Variants in NLN observed in about 807,000 individuals in gnomAD.
NLN encodes neurolysin.
Under a neutral mutation model 79.9 loss-of-function variants are expected in NLN, and 64 were observed. That is an observed-to-expected ratio of 0.80 (90% CI 0.65 to 0.99). NLN has a LOEUF of 0.99. Ranked by LOEUF, NLN falls within the 50% of genes least tolerant of loss-of-function variation. NLN has a pLI of 0.00. For missense variants in NLN, 835 were observed against 858.7 expected (o/e 0.97, Z 0.34); for synonymous variants, 267 against 296.6 (o/e 0.90, Z 1.02).
chr5:65,786,876 A>AT (rs961949127), intron 7 of NLN, among the ~76,000 whole-genome samples: 3 of 152,068 alleles, frequency 2.0e-5, no homozygotes, highest in African/African-American at 7.2e-5. Flanking sequence ...AATAAAAATA[A>AT]TTTTTTAAAA....
intron 3 of NLN, among the ~76,000 whole-genome samples, chr5:65,767,851 T>C (rs1759484999): frequency 6.6e-6 from 1 of 152,196 alleles, no homozygotes; most frequent in Non-Finnish European, 1.5e-5. Flanking sequence ...ATCATCTCTC[T>C]CAAGTTCAAA....
intron 3 of NLN, among the ~76,000 whole-genome samples, chr5:65,772,734 A>ATT (rs755088317): frequency 7.5e-6 from 1 of 133,142 alleles, no homozygotes. Flanking sequence ...TTTGTTTTTC[A>ATT]TTTTTTTTTT....
At chr5:65,789,558 C>T (rs1760010769) in intron 8 of NLN, among the ~76,000 whole-genome samples, 1 of 152,124 alleles carries the variant, frequency 6.6e-6, no homozygotes, top group Non-Finnish European at 1.5e-5. Flanking sequence ...GGGCAGATCA[C>T]TTGAGGTCGG....
intron 8 of NLN, 38 bp downstream of exon 8, chr5:65,788,522 T>C (rs778757682): frequency 6.3e-7 from 1 of 1,586,296 alleles, no homozygotes; most frequent in Non-Finnish European, 8.6e-7. Context: ...ACCTTAGGGA[T>C]TCAGCTATGC....
At position 65,765,741 on chromosome 5, in the gene NLN, G is replaced by T. The variant is rs932327324; in HGVS notation, c.450+2633G>T. 4.6e-5 allele frequency among the ~76,000 whole-genome samples: 7 copies of T among 151,324 alleles called. No individual in the cohort carries two copies. In the East Asian group the frequency reaches 9.7e-4, roughly 21 times the overall value. On this transcript the variant is annotated intron_variant, in intron 3 of 12. Transcript: ENST00000380985. Reference sequence around the variant, plus strand: ...AAAAAAAAAAAATCCACACATAAAGGCCTCATTAAGCTGGATAAATAGGAT... The same window carrying T: ...AAAAAAAAAAAATCCACACATAAAGTCCTCATTAAGCTGGATAAATAGGAT...
At chr5:65,779,533 C>T (rs1426603651) in intron 4 of NLN, among the ~76,000 whole-genome samples, 1 of 152,102 alleles carries the variant, frequency 6.6e-6, no homozygotes, top group Non-Finnish European at 1.5e-5. Flanking sequence ...GCTCTTATCT[C>T]TTGGTTTACT....
chr5:65,748,270 G>A (rs1759029093), intron 1 of NLN, among the ~76,000 whole-genome samples: 1 of 152,164 alleles, frequency 6.6e-6, no homozygotes, highest in African/African-American at 2.4e-5. Context: ...CTGTTAGAGT[G>A]AGAAAATAGA....
intron 1 of NLN, chr5:65,733,035 A>T: frequency 8.0e-7 from 1 of 1,256,086 alleles, no homozygotes; most frequent in Admixed American, 1.8e-5. Flanking sequence ...CATTGAGATG[A>T]TTTCCCACCC....
intron 1 of NLN, among the ~76,000 whole-genome samples, chr5:65,753,423 C>T (rs1372674636): frequency 2.6e-5 from 4 of 152,018 alleles, no homozygotes; most frequent in Non-Finnish European, 4.4e-5. Flanking sequence ...CCAAGGTGGG[C>T]GGATCACTTC....
chr5:65,806,651 C>G (rs1579965356), intron 9 of NLN, among the ~76,000 whole-genome samples: 1 of 152,134 alleles, frequency 6.6e-6, no homozygotes, highest in Non-Finnish European at 1.5e-5. Flanking sequence ...GCAATCTACT[C>G]CTGGTGAAGA....
intron 9 of NLN, among the ~76,000 whole-genome samples, chr5:65,798,162 C>T (rs755927998): frequency 5.8e-4 from 89 of 152,146 alleles, no homozygotes; most frequent in Non-Finnish European, 1.0e-3. Flanking sequence ...TGAACATGTA[C>T]CAGGTGCCAG....
intron 7 of NLN, 93 bp downstream of exon 7, chr5:65,786,003 T>C (rs529787800): frequency 1.1e-4 from 129 of 1,125,652 alleles, no homozygotes; most frequent in South Asian, 6.8e-4. Context: ...GAGGACATCC[T>C]ACTTTTCCTT....
At chr5:65,765,908 T>C (rs1024954553) in intron 3 of NLN, among the ~76,000 whole-genome samples, 7 of 152,318 alleles carry the variant, frequency 4.6e-5, no homozygotes, top group Admixed American at 1.3e-4. Context: ...TTTTAGCTCT[T>C]TTTATTTTCC....
intron 1 of NLN, among the ~76,000 whole-genome samples, chr5:65,738,725 A>G (rs1758791196): frequency 6.6e-6 from 1 of 151,442 alleles, no homozygotes; most frequent in Non-Finnish European, 1.5e-5. Context: ...TCCTTTCACC[A>G]GCAGTCACCT....
At chr5:65,746,277 G>A (rs1758977392) in intron 1 of NLN, among the ~76,000 whole-genome samples, 1 of 152,090 alleles carries the variant, frequency 6.6e-6, no homozygotes, top group African/African-American at 2.4e-5. Flanking sequence ...AACAGCCAGA[G>A]ACATCAAATG....
At chr5:65,738,903 C>T (rs945264012) in intron 1 of NLN, among the ~76,000 whole-genome samples, 32 of 143,676 alleles carry the variant, frequency 2.2e-4, no homozygotes, top group Middle Eastern at 3.5e-3. Context: ...ATCACAGGTG[C>T]GTGCCACCTA....
chr5:65,787,966 C>A, intron 7 of NLN, 152 bp from the exon 8 acceptor site: 1 of 699,238 alleles, frequency 1.4e-6, no homozygotes. Context: ...TTTCCTCCCT[C>A]ACGTTTTTCC....
intron 1 of NLN, among the ~76,000 whole-genome samples, chr5:65,729,369 CTTTT>C (rs34963968): frequency 4.0e-5 from 4 of 101,064 alleles, no homozygotes; most frequent in Non-Finnish European, 5.7e-5. Flanking sequence ...GTTTTCTTTT[CTTTT>C]TTTTTTTTTT....
rs1015782711 is a variant in NLN at position 65,745,574 on chromosome 5, A to G, written c.42-12993A>G. ...CTTATTGGGAGGATTAAATAAGAAC[A>G]TGCATATAAACTCTTGGTGTAGTGT... On this transcript the variant is annotated intron_variant, in intron 1 of 12. Transcript: ENST00000380985. 2.8e-4 allele frequency among the ~76,000 whole-genome samples: 43 copies of G among 152,230 alleles called. 1 individual carries two copies. The highest frequency in any genetic ancestry group is 1.0e-3 in the African/African-American group (42 of 41,466).
Sources: gnomAD v4.1 joint callset for allele counts (sites outside exome capture counted in the v4.1 genomes callset) on GRCh38, gnomAD v4.1.1 for gene constraint, MANE v1.5 for transcripts, NCBI Gene and HGNC (gene_info 2026-07-23, HGNC 2026-07-21) for gene names.